Variants in FBXL18 observed in about 807,000 individuals in gnomAD.
FBXL18 encodes F-box/LRR-repeat protein 18.
Under a neutral mutation model 46.0 loss-of-function variants are expected in FBXL18, and 36 were observed. The observed-to-expected ratio is 0.78, with a 90% confidence interval of 0.60 to 1.03. The LOEUF is 1.03. FBXL18 is among the 50% of genes least tolerant of loss of function. The probability of loss-of-function intolerance (pLI) is 0.00; values close to 1 mark genes in which losing one functional copy is unlikely to be tolerated. For synonymous variants in FBXL18, 557 were observed against 465.3 expected, an observed-to-expected ratio of 1.20 and a Z score of -2.54; for missense variants, 977 against 1,004.1, an observed-to-expected ratio of 0.97 and a Z score of 0.36.
At chr7:5,498,322 A>G (rs950114296) in intron 3 of FBXL18, among the ~76,000 whole-genome samples, 2 of 151,974 alleles carry the variant, frequency 1.3e-5, no homozygotes, top group Admixed American at 6.6e-5. Context: ...TCCTGACCTT[A>G]TGATCCACCC....
chr7:5,500,594 G>A lies in FBXL18; in HGVS notation c.1675C>T (p.Gln559Ter). The A allele has an allele frequency of 6.2e-7, 1 of 1,613,502 alleles. No individual in the cohort carries two copies. Among genetic ancestry groups the A allele is most frequent in the Non-Finnish European group, 8.5e-7 (1 of 1,179,904 alleles). Residue 559 changes from glutamine (Q) to a stop codon, truncating the protein, a stop_gained, in exon 3 of 5, where the codon CAG becomes TAG. Coordinates refer to ENST00000382368, the MANE Select transcript of FBXL18 (RefSeq NM_024963.6). LOFTEE classifies it high-confidence loss of function. ...TTGGCCAGCGACAGGGACCGCAACT[G>A]CTGGCACTGCAGGCCGATATTGACC... is the stretch of plus-strand genomic sequence containing the variant. ...GLVNIGLQCQ[Q>*]LRSLSLANLG...
intron 3 of FBXL18, among the ~76,000 whole-genome samples, chr7:5,498,110 TCA>T (rs1372391032): frequency 1.4e-5 from 2 of 148,080 alleles, no homozygotes; most frequent in African/African-American, 2.5e-5. Context: ...AGACCGAGTC[TCA>T]CTCTGTCACC....
Position 5,478,353 on chromosome 7 carries a change from A to T in FBXL18, c.*3422T>A, listed in dbSNP as rs1783564077. 6.6e-6 allele frequency: 1 copy of T among 152,268 alleles called. No homozygotes were observed. Among genetic ancestry groups the T allele is most frequent in the Admixed American group, 6.5e-5 (1 of 15,282 alleles). The allele number at this position is 152,268 out of a possible 1,614,324, so 9.4% of individuals were successfully genotyped here. On this transcript the variant is annotated 3_prime_UTR_variant, in exon 5 of 5. Transcript: ENST00000382368. Reference sequence around the variant, plus strand: ...AGAAAAGCCTTCCATAGCAGAAAGGAGTACTCAAGGCCCAGAAAGGCAGCT... The same window carrying T: ...AGAAAAGCCTTCCATAGCAGAAAGGTGTACTCAAGGCCCAGAAAGGCAGCT...
At chr7:5,474,215 T>A (rs1218754732), downstream of FBXL18, among the ~76,000 whole-genome samples, 2 of 151,358 alleles carry the variant, frequency 1.3e-5, no homozygotes, top group African/African-American at 2.4e-5. Flanking sequence ...GGGGACAGAG[T>A]TTCAGTTGGG....
intron 1 of FBXL18, 111 bp downstream of exon 1, chr7:5,513,546 G>A (rs1000878465): frequency 2.4e-6 from 3 of 1,227,824 alleles, no homozygotes; most frequent in African/African-American, 1.5e-5. Flanking sequence ...GACGGGGCGG[G>A]GTAGGGGTCG....
At position 5,481,691 on chromosome 7, in the gene FBXL18, T is replaced by C. The variant is rs761015489; in HGVS notation, c.*84A>G. 1 of 1,484,324 alleles carries C rather than the reference T, an allele frequency of 6.7e-7. No homozygotes were observed. Among genetic ancestry groups the C allele is most frequent in the Non-Finnish European group, 9.2e-7 (1 of 1,083,124 alleles). The allele number at this position is 1,484,324 out of a possible 1,614,324, so 91.9% of individuals were successfully genotyped here. On this transcript the variant is annotated 3_prime_UTR_variant, in exon 5 of 5. Coordinates refer to ENST00000382368, the MANE Select transcript of FBXL18 (RefSeq NM_024963.6). ...GGCCGGGAGAGAGGCCCCCTTCCTCTTGTGACAAACCAAGGGTCCCTGGCG... is the reference window on the plus strand; with the variant it reads ...GGCCGGGAGAGAGGCCCCCTTCCTCCTGTGACAAACCAAGGGTCCCTGGCG...
chr7:5,505,618 C>T lies in FBXL18; in HGVS notation c.31G>A (p.Asp11Asn), dbSNP rs368413211. ...GCTGCAGGGTGCATGTCATCATCAT[C>T]ATTGGATATGTCCTGAAAATAAGGG... MASSGEDISN[D>N]DDDMHPAAAG... The change falls in exon 2 of 5, where the codon GAT becomes AAT. Residue 11 changes from aspartate (D) to asparagine (N), a missense_variant. Physicochemically the swap from Asp to Asn is conservative, Grantham distance 23. Transcript: ENST00000382368. 3.7e-6 allele frequency: 6 copies of T among 1,613,694 alleles called. No individual in the cohort carries two copies. The highest frequency in any genetic ancestry group is 2.7e-5 in the African/African-American group (2 of 74,906).
intron 4 of FBXL18, among the ~76,000 whole-genome samples, chr7:5,459,199 C>T (rs920594667): frequency 6.6e-6 from 1 of 152,208 alleles, no homozygotes; most frequent in African/African-American, 2.4e-5. Context: ...AAACGTGTGA[C>T]CTACTCCAGA....
chr7:5,488,450 G>A (rs543984679), intron 4 of FBXL18, among the ~76,000 whole-genome samples: 43 of 151,860 alleles, frequency 2.8e-4, no homozygotes, highest in African/African-American at 9.5e-4. Context: ...CTTGGGGATC[G>A]TGGACGTTCT....
At chr7:5,490,552 C>T (rs948015833) in intron 4 of FBXL18, among the ~76,000 whole-genome samples, 15 of 152,124 alleles carry the variant, frequency 9.9e-5, no homozygotes, top group African/African-American at 3.6e-4. Context: ...CAGCAGGTGG[C>T]GAGGGAGAGG....
rs1463892926 is a variant in FBXL18, at chr7:5,455,942, C to T, written c.2001-8099G>A. 6.6e-6 allele frequency among the ~76,000 whole-genome samples: 1 copy of T among 152,162 alleles called. No individual in the cohort carries two copies. Among genetic ancestry groups the T allele is most frequent in the Non-Finnish European group, 1.5e-5 (1 of 68,020 alleles). ...TGGCTCCAGCATCGCAGTCTAACAG[C>T]TCCCTGCCGCATTTCGTTCCCTCTG... is the stretch of plus-strand genomic sequence containing the variant. On this transcript the variant is annotated intron_variant and NMD_transcript_variant, in intron 4 of 6. Coordinates refer to the FBXL18 transcript ENST00000415009. The surrounding 1 kb of genome is among the most constrained non-coding windows in gnomAD (Gnocchi z 4.6).
At chr7:5,458,914 A>C (rs1398580651) in intron 4 of FBXL18, among the ~76,000 whole-genome samples, 1 of 151,964 alleles carries the variant, frequency 6.6e-6, no homozygotes, top group Non-Finnish European at 1.5e-5. Flanking sequence ...TGGGAAGCCA[A>C]GTTGGGAGGA....
chr7:5,494,367 G>A (rs1170577543), intron 3 of FBXL18, among the ~76,000 whole-genome samples: 1 of 152,152 alleles, frequency 6.6e-6, no homozygotes, highest in African/African-American at 2.4e-5. Flanking sequence ...TGGAGGCAGA[G>A]GATGCAGTGA....
In FBXL18 at chr7:5,477,559, G is replaced by A. The variant is rs554588381; in HGVS notation, c.*4216C>T. Among the ~76,000 whole-genome samples, 1 of 152,176 alleles carries A rather than the reference G, an allele frequency of 6.6e-6. No homozygotes were observed. The highest frequency in any genetic ancestry group is 2.1e-4 in the South Asian group (1 of 4,826). Reference sequence around the variant, plus strand: ...CTCTGCAAAAATACAAAAATTAGCCGGTCATGATGGCAGGTGCCTGTAATC... The same window carrying A: ...CTCTGCAAAAATACAAAAATTAGCCAGTCATGATGGCAGGTGCCTGTAATC... On this transcript the variant is annotated 3_prime_UTR_variant, in exon 5 of 5. Coordinates refer to ENST00000382368, the MANE Select transcript of FBXL18 (RefSeq NM_024963.6). This position sits in a 1 kb window ranked among gnomAD's most constrained non-coding sequence, Gnocchi z 4.4.
At chr7:5,484,731 C>T (rs115055715) in intron 4 of FBXL18, among the ~76,000 whole-genome samples, 1 of 151,534 alleles carries the variant, frequency 6.6e-6, no homozygotes, top group Admixed American at 6.6e-5. Flanking sequence ...CTCCGCCTCC[C>T]GAGCTTAAAC....
downstream of FBXL18, among the ~76,000 whole-genome samples, chr7:5,474,758 A>G (rs1377625462): frequency 6.7e-6 from 1 of 150,320 alleles, no homozygotes; most frequent in East Asian, 2.0e-4. Flanking sequence ...CCCAGGCTGG[A>G]GTGCAGTGGC....
intron 4 of FBXL18, among the ~76,000 whole-genome samples, chr7:5,463,247 C>G (rs965165071): frequency 6.6e-6 from 1 of 151,530 alleles, no homozygotes; most frequent in Admixed American, 6.6e-5. Context: ...GTTGGCATTT[C>G]CTGAAAATGT....
chr7:5,490,998 G>A (rs1783907341), intron 4 of FBXL18, among the ~76,000 whole-genome samples: 1 of 152,220 alleles, frequency 6.6e-6, no homozygotes. Flanking sequence ...TTTTGTACTT[G>A]TGGGAGAGGA....
intron 4 of FBXL18, among the ~76,000 whole-genome samples, chr7:5,485,123 G>C (rs1783740786): frequency 6.6e-6 from 1 of 152,122 alleles, no homozygotes; most frequent in African/African-American, 2.4e-5. Context: ...AAGCAGGGGG[G>C]CCTGCTCTTC....
Sources: gnomAD v4.1 joint callset for allele counts (sites outside exome capture counted in the v4.1 genomes callset) on GRCh38, gnomAD v4.1.1 for gene constraint, Gnocchi (gnomAD v3.1) non-coding constraint, MANE v1.5 for transcripts, NCBI Gene and HGNC (gene_info 2026-07-23, HGNC 2026-07-21) for gene names.